The following FILIP1 variants were observed in gnomAD, a reference collection of about 807,000 sequenced individuals.
FILIP1 encodes the protein filamin-A-interacting protein 1.
A neutral mutation model predicts 102.1 loss-of-function variants in FILIP1; 61 were observed. The observed-to-expected ratio is 0.60, with a 90% CI of 0.49 to 0.74. FILIP1 has a LOEUF of 0.74. Ranked by LOEUF, FILIP1 falls within the 30% of genes least tolerant of loss-of-function variation. The probability of loss-of-function intolerance (pLI) is 0.00; values close to 1 mark genes in which losing one functional copy is unlikely to be tolerated. For missense variants in FILIP1, 1,314 were observed against 1,441.2 expected (o/e 0.91, Z 1.43); for synonymous variants, 491 against 526.9 (o/e 0.93, Z 0.93).
At chr6:75,359,568 C>T (rs1183656221) in intron 3 of FILIP1, among the ~76,000 whole-genome samples, 1 of 152,080 alleles carries the variant, frequency 6.6e-6, no homozygotes, top group Non-Finnish European at 1.5e-5. Flanking sequence ...TGAGGGAGTC[C>T]ACATAATGAA....
chr6:75,335,357 G>A (rs1291542697), intron 4 of FILIP1, among the ~76,000 whole-genome samples: 1 of 152,086 alleles, frequency 6.6e-6, no homozygotes, highest in African/African-American at 2.4e-5. Context: ...AACAAAAGTA[G>A]GTGAATACAT....
chr6:75,432,641 G>C (rs980016779), intron 1 of FILIP1, among the ~76,000 whole-genome samples: 6 of 152,048 alleles, frequency 3.9e-5, no homozygotes, highest in African/African-American at 1.4e-4. Flanking sequence ...GGCTCAAAGA[G>C]AGTGAATTTT....
rs188793195 is a variant in FILIP1, at chr6:75,374,677, G to A, written c.277-11760C>T. On this transcript the variant is annotated intron_variant, in intron 2 of 5. Transcript: ENST00000237172. ...TCACAGGCACGAGTCACTGTGCCGG[G>A]CCAGTGAGAAGCTGAATTTTTTAGA... is the stretch of plus-strand genomic sequence containing the variant. Among the ~76,000 whole-genome samples the A allele has an allele frequency of 3.1e-3, 479 of 152,260 alleles. 2 individuals are homozygous for A. Among genetic ancestry groups the A allele is most frequent in the Non-Finnish European group, 5.6e-3 (380 of 68,034 alleles).
intron 2 of FILIP1, among the ~76,000 whole-genome samples, chr6:75,391,363 C>T (rs139143786): frequency 2.0e-5 from 3 of 152,220 alleles, no homozygotes; most frequent in Non-Finnish European, 4.4e-5. Flanking sequence ...TTTAACTGGG[C>T]TGTTAATTCT....
At chr6:75,305,212 G>A (rs1467693412), downstream of FILIP1, among the ~76,000 whole-genome samples, 1 of 152,092 alleles carries the variant, frequency 6.6e-6, no homozygotes, top group Non-Finnish European at 1.5e-5. Flanking sequence ...CTCATTACTC[G>A]TTCTCTCTCT....
At chr6:75,488,560 C>A (rs571900291) in intron 1 of FILIP1, among the ~76,000 whole-genome samples, 119 of 151,760 alleles carry the variant, frequency 7.8e-4, no homozygotes, top group African/African-American at 2.7e-3. Context: ...TCTTTTCTTT[C>A]TTTATTTTAC....
At chr6:75,402,851 CT>C (rs1478976059) in intron 2 of FILIP1, among the ~76,000 whole-genome samples, 13 of 152,008 alleles carry the variant, frequency 8.6e-5, no homozygotes, top group African/African-American at 3.1e-4. Flanking sequence ...TATACTTTTC[CT>C]GTATAATTCA....
At chr6:75,445,075 C>G (rs1778401652) in intron 1 of FILIP1, among the ~76,000 whole-genome samples, 1 of 152,112 alleles carries the variant, frequency 6.6e-6, no homozygotes, top group Admixed American at 6.5e-5. Flanking sequence ...GCTACGCATT[C>G]TGACTTCCAC....
At chr6:75,309,754 A>G (rs1361914167) in intron 5 of FILIP1, among the ~76,000 whole-genome samples, 1 of 152,172 alleles carries the variant, frequency 6.6e-6, no homozygotes, top group Admixed American at 6.5e-5. Context: ...AGACAGCCAA[A>G]TCAGAAACCC....
chr6:75,307,210 A>G (rs1773013449), downstream of FILIP1, among the ~76,000 whole-genome samples: 1 of 152,180 alleles, frequency 6.6e-6, no homozygotes, highest in African/African-American at 2.4e-5. Flanking sequence ...CCACCACTAT[A>G]TACAATTCAA....
chr6:75,466,546 C>T (rs749406191), intron 1 of FILIP1, among the ~76,000 whole-genome samples: 2 of 152,204 alleles, frequency 1.3e-5, no homozygotes, highest in African/African-American at 4.8e-5. Context: ...TTCCTGAATG[C>T]CTATTCTGCA....
At chr6:75,395,879 AGC>A (rs1226122400) in intron 2 of FILIP1, among the ~76,000 whole-genome samples, 10 of 152,284 alleles carry the variant, frequency 6.6e-5, no homozygotes, top group Admixed American at 4.6e-4. Flanking sequence ...TAATTGAATA[AGC>A]TTTTAAGCAC....
In FILIP1 at chr6:75,311,601, A is replaced by AT. The variant is rs1239012780; in HGVS notation, c.3435+795dup. On this transcript the variant is annotated intron_variant, in intron 5 of 5. Transcript: ENST00000237172. ...AACCTCCGCCTCCTGGGCTCAAGTG[A>AT]TTCTCCTGCCTCAGCCTCCCAAGTA... 3.3e-5 allele frequency among the ~76,000 whole-genome samples: 5 copies of AT among 152,110 alleles called. No homozygotes were observed. The East Asian group carries it at 9.6e-4, about 29-fold the overall frequency.
chr6:75,445,677 A>G (rs896202445), intron 1 of FILIP1, among the ~76,000 whole-genome samples: 1 of 151,958 alleles, frequency 6.6e-6, no homozygotes, highest in Non-Finnish European at 1.5e-5. Context: ...CCAACACAAT[A>G]TCTACTAAAT....
intron 2 of FILIP1, among the ~76,000 whole-genome samples, chr6:75,405,064 A>G (rs181816451): frequency 9.9e-5 from 15 of 152,284 alleles, no homozygotes; most frequent in African/African-American, 3.6e-4. Flanking sequence ...AGTAATGACA[A>G]CAACCCCAGA....
intron 1 of FILIP1, among the ~76,000 whole-genome samples, chr6:75,449,603 A>AC (rs1236677725): frequency 5.3e-5 from 8 of 152,050 alleles, no homozygotes; most frequent in Non-Finnish European, 1.0e-4. Flanking sequence ...ACACAGCAAG[A>AC]CCCCATCTGT....
intron 5 of FILIP1, 136 bp from the exon 6 acceptor site, chr6:75,309,033 G>T: frequency 2.2e-6 from 2 of 901,488 alleles, no homozygotes; most frequent in Non-Finnish European, 3.3e-6. Flanking sequence ...TAAAATAATT[G>T]TGAGAAACTT....
intron 1 of FILIP1, among the ~76,000 whole-genome samples, chr6:75,420,363 G>T (rs1447754046): frequency 6.6e-6 from 1 of 151,588 alleles, no homozygotes; most frequent in Non-Finnish European, 1.5e-5. Flanking sequence ...TTTAAAATTA[G>T]CATGGAGTCT....
In FILIP1 at chr6:75,314,791, C is replaced by T. The variant is rs746478676; in HGVS notation, c.1041G>A (p.Glu347=). The T allele has an allele frequency of 1.4e-5, 22 of 1,613,512 alleles. No individual in the cohort carries two copies. In the Admixed American group the frequency reaches 3.7e-4, roughly 27 times the overall value. ...GLTQRIEELE[E]TNKNLQKAEE... ...CTGCCTTCTGCAGATTTTTGTTGGT[C>T]TCTTCTAGCTCCTCGATTCTTTGGG... Residue 347 remains glutamate, a synonymous_variant, in exon 5 of 6, where the codon GAG becomes GAA. Coordinates refer to ENST00000237172, the MANE Select transcript of FILIP1 (RefSeq NM_015687.5).
Sources: allele counts gnomAD v4.1 joint callset (sites outside exome capture counted in the v4.1 genomes callset), GRCh38; gene constraint gnomAD v4.1.1; transcripts MANE v1.5; gene names NCBI Gene and HGNC (gene_info 2026-07-23, HGNC 2026-07-21).